Variants in CREG1 observed in about 807,000 individuals in gnomAD.
CREG1 encodes cellular repressor of E1A stimulated genes 1, also known as protein CREG1.
Under a neutral mutation model 19.9 loss-of-function variants are expected in CREG1, and 20 were observed. That is an observed-to-expected ratio of 1.01 (90% CI 0.71 to 1.46). The LOEUF (loss-of-function observed/expected upper bound fraction) is 1.46, where lower values mean the gene tolerates loss of function less well. CREG1 is among the 40% of genes most tolerant of loss of function. The pLI, the probability that CREG1 is intolerant of heterozygous loss-of-function variation, is 0.00. For missense variants in CREG1, 290 were observed against 314.9 expected, an observed-to-expected ratio of 0.92 and a Z score of 0.60; for synonymous variants, 141 against 143.3, an observed-to-expected ratio of 0.98 and a Z score of 0.12.
rs1449886122 is a variant in CREG1, at chr1:167,541,260, A to C, written c.*1038T>G. On this transcript the variant is annotated 3_prime_UTR_variant, in exon 4 of 4. Transcript: ENST00000370509. ...TCTGAAATCATGTATATGGGTAATA[A>C]TATTAGTGTCTTCTCTTCTGAAGAT... The C allele has an allele frequency of 6.6e-6, 1 of 152,178 alleles. No homozygotes were observed. The highest frequency in any genetic ancestry group is 2.4e-5 in the African/African-American group (1 of 41,426). 9.4% of individuals were successfully genotyped at this position (152,178 alleles called of 1,614,324 possible). A position where few individuals can be genotyped will look rare whatever the true frequency, so the allele number is the denominator to read the frequency against.
rs184400170 is a variant in CREG1, at chr1:167,541,865, G to C, written c.*433C>G. 458 of 154,146 alleles carry C rather than the reference G, an allele frequency of 3.0e-3. No individual in the cohort carries two copies. Among genetic ancestry groups the C allele is most frequent in the African/African-American group, 8.6e-3 (358 of 41,604 alleles). The allele number at this position is 154,146 out of a possible 1,614,324, so 9.5% of individuals were successfully genotyped here. A position where few individuals can be genotyped will look rare whatever the true frequency, so the allele number is the denominator to read the frequency against. Reference sequence around the variant, plus strand: ...AATCCTTTTGCACCAGGCTCAGGCAGCTCAGGAGGCAGCTGTGGTGAGTGA... The same window carrying C: ...AATCCTTTTGCACCAGGCTCAGGCACCTCAGGAGGCAGCTGTGGTGAGTGA... On this transcript the variant is annotated 3_prime_UTR_variant, in exon 4 of 4. Transcript: ENST00000370509.
chr1:167,548,360 A>G (rs1004369692), intron 1 of CREG1, among the ~76,000 whole-genome samples: 1 of 152,234 alleles, frequency 6.6e-6, no homozygotes, highest in Admixed American at 6.5e-5. Context: ...AATTATTTCA[A>G]TATTCTTTTT....
intron 3 of CREG1, among the ~76,000 whole-genome samples, chr1:167,545,652 A>C (rs1324321118): frequency 6.6e-6 from 1 of 152,056 alleles, no homozygotes; most frequent in Non-Finnish European, 1.5e-5. Context: ...GAAAATACAA[A>C]AAATCAGCTG....
intron 1 of CREG1, 126 bp downstream of exon 1, chr1:167,553,262 G>A (rs776525498): frequency 3.5e-5 from 26 of 742,924 alleles, no homozygotes; most frequent in Non-Finnish European, 4.3e-5. Flanking sequence ...CTGCCTGCGC[G>A]GCAGAGAAGC....
At chr1:167,546,587 A>G (rs547442190) in intron 2 of CREG1, among the ~76,000 whole-genome samples, 1 of 152,252 alleles carries the variant, frequency 6.6e-6, no homozygotes, top group South Asian at 2.1e-4. Flanking sequence ...GCTTGCGGTG[A>G]GCCGAGATCG....
intron 2 of CREG1, 76 bp from the exon 3 acceptor site, chr1:167,546,361 A>T: frequency 9.2e-7 from 1 of 1,083,850 alleles, no homozygotes; most frequent in Admixed American, 2.3e-5. Flanking sequence ...ATGTGTGATT[A>T]GGCCGGGTGC....
rs142249523 is a variant in CREG1, at chr1:167,545,363, C to T, written c.659+738G>A. Among the ~76,000 whole-genome samples the T allele has an allele frequency of 2.3e-3, 353 of 152,232 alleles. 2 individuals are homozygous for T. In the Middle Eastern group the frequency reaches 0.034, roughly 15 times the overall value. The stretch of plus-strand genomic sequence containing the variant: ...ATTTTTTTTTCATTTTCATTAGGCT[C>T]TAACTGAATGTATCATTTCCTTCAA... On this transcript the variant is annotated intron_variant, in intron 3 of 3. Transcript: ENST00000370509.
rs1656214195 is a variant in CREG1 at position 167,541,058 on chromosome 1, G to T, written c.*1240C>A. The T allele has an allele frequency of 6.6e-6, 1 of 152,184 alleles. No homozygotes were observed. Among genetic ancestry groups the T allele is most frequent in the African/African-American group, 2.4e-5 (1 of 41,454 alleles). 9.4% of individuals were successfully genotyped at this position (152,184 alleles called of 1,614,324 possible). On this transcript the variant is annotated 3_prime_UTR_variant, in exon 4 of 4. Coordinates refer to ENST00000370509, the MANE Select transcript of CREG1 (RefSeq NM_003851.3). ...TAATTATTGATGCTTTGAATAAGAA[G>T]TCCATTTTACTAAATTTAGTATAAA...
intron 1 of CREG1, 130 bp from the exon 2 acceptor site, chr1:167,548,251 T>G: frequency 1.6e-6 from 1 of 629,826 alleles, no homozygotes; most frequent in Non-Finnish European, 2.7e-6. Context: ...TCATAAAACA[T>G]CACCTTCCAC....
intron 1 of CREG1, among the ~76,000 whole-genome samples, chr1:167,550,181 G>A (rs1656401274): frequency 6.6e-6 from 1 of 151,974 alleles, no homozygotes. Context: ...GTAGAGGTGG[G>A]TTTCACCATA....
chr1:167,544,313 GA>G, intron 3 of CREG1, among the ~76,000 whole-genome samples: 1 of 151,442 alleles, frequency 6.6e-6, no homozygotes, highest in Non-Finnish European at 1.5e-5. Context: ...GCCCTGCTTG[GA>G]ATTAAAAAAA....
In CREG1 at chr1:167,553,736, G is replaced by A. The variant is rs765567810; in HGVS notation, c.6C>T (p.Ala2=). The A allele has an allele frequency of 8.6e-6, 11 of 1,281,958 alleles. No homozygotes were observed. Among genetic ancestry groups the A allele is most frequent in the East Asian group, 3.1e-5 (1 of 31,934 alleles). The allele number at this position is 1,281,958 out of a possible 1,614,324, so 79.4% of individuals were successfully genotyped here. Residue 2 remains alanine, a synonymous_variant, in exon 1 of 4, where the codon GCC becomes GCT. Transcript: ENST00000370509. The part of the protein sequence containing the change: M[A]GLSRGSARAL... ...CGCGCGCGGACCCGCGGGATAGCCC[G>A]GCCATGGCGGTGTCTCCAGGAAGAG...
At position 167,547,908 on chromosome 1, in the gene CREG1, G is replaced by A. The variant is rs947934244; in HGVS notation, c.474+94C>T. The A allele has an allele frequency of 8.9e-6, 12 of 1,350,076 alleles. No homozygotes were observed. In the South Asian group the frequency reaches 1.4e-4, roughly 16 times the overall value. 83.6% of individuals were successfully genotyped at this position (1,350,076 alleles called of 1,614,324 possible). On this transcript the variant is annotated intron_variant, in intron 2 of 3. Coordinates refer to ENST00000370509, the MANE Select transcript of CREG1 (RefSeq NM_003851.3). Reference sequence around the variant, plus strand: ...TGCACTCCAGCCTGGGAGACAGAGTGAGACTCTGTCTCAAAAGAAAAATGA... The same window carrying A: ...TGCACTCCAGCCTGGGAGACAGAGTAAGACTCTGTCTCAAAAGAAAAATGA...
chr1:167,545,324 C>T (rs758199323), intron 3 of CREG1, among the ~76,000 whole-genome samples: 2 of 152,096 alleles, frequency 1.3e-5, no homozygotes, highest in Non-Finnish European at 2.9e-5. Context: ...GGTCTGCGAA[C>T]TTGGCTCAAA....
At chr1:167,549,187 A>G (rs3767441) in intron 1 of CREG1, among the ~76,000 whole-genome samples, 12,221 of 152,198 alleles carry the variant, frequency 0.08, 698 homozygotes, top group East Asian at 0.27. Context: ...GCTGGAAAGA[A>G]GGGCTTTCCT....
chr1:167,543,128 T>A (rs1467590672), intron 3 of CREG1, among the ~76,000 whole-genome samples: 1 of 151,708 alleles, frequency 6.6e-6, no homozygotes, highest in East Asian at 1.9e-4. Context: ...GTGCCTGTGG[T>A]CCCAGCTGCT....
intron 3 of CREG1, among the ~76,000 whole-genome samples, chr1:167,542,800 A>T (rs1421110012): frequency 6.6e-6 from 1 of 152,204 alleles, no homozygotes; most frequent in Non-Finnish European, 1.5e-5. Flanking sequence ...TCTAGGTATC[A>T]AGACTGGGCA....
At position 167,551,518 on chromosome 1, in the gene CREG1, G is replaced by A. The variant is rs1452954797; in HGVS notation, c.354+1870C>T. ...CCTACCTGACAGCCATTAGCTGACT[G>A]GTCACAGGGTAAGTCCCTGCACCTC... On this transcript the variant is annotated intron_variant, in intron 1 of 3. Transcript: ENST00000370509. Among the ~76,000 whole-genome samples the A allele has an allele frequency of 2.0e-5, 3 of 152,244 alleles. No homozygotes were observed. In the East Asian group the frequency reaches 5.8e-4, roughly 29 times the overall value.
chr1:167,544,227 T>C (rs1050972897), intron 3 of CREG1, among the ~76,000 whole-genome samples: 7 of 151,748 alleles, frequency 4.6e-5, no homozygotes, highest in Non-Finnish European at 7.4e-5. Context: ...TCCAACAGAG[T>C]GTGAGAGTGT....
Sources: allele counts gnomAD v4.1 joint callset (sites outside exome capture counted in the v4.1 genomes callset), GRCh38; gene constraint gnomAD v4.1.1; transcripts MANE v1.5; gene names NCBI Gene and HGNC (gene_info 2026-07-23, HGNC 2026-07-21).